The following NCALD variants were observed in gnomAD, a reference collection of about 807,000 sequenced individuals.
The protein encoded by NCALD is neurocalcin delta, also known as neurocalcin-delta.
In NCALD, 10 loss-of-function variants were observed where a neutral mutation model predicts 18.6. The observed-to-expected ratio is 0.54, with a 90% CI of 0.33 to 0.91. The LOEUF (loss-of-function observed/expected upper bound fraction) is 0.91, where lower values mean the gene tolerates loss of function less well. NCALD is among the 40% of genes least tolerant of loss of function. The probability of loss-of-function intolerance (pLI) is 0.03; values close to 1 mark genes in which losing one functional copy is unlikely to be tolerated. For synonymous variants in NCALD, 88 were observed against 87.4 expected (o/e 1.01, Z -0.04); for missense variants, 184 against 247.6 (o/e 0.74, Z 1.72).
intron 2 of NCALD, among the ~76,000 whole-genome samples, chr8:101,712,602 A>AAAAAAAAAAAAG (rs1563683244): frequency 7.7e-6 from 1 of 129,718 alleles, no homozygotes. Context: ...AAAAAAAAAA[A>AAAAAAAAAAAAG]AAAAAAAAAT....
intron 2 of NCALD, among the ~76,000 whole-genome samples, chr8:101,716,348 T>G (rs1586287085): frequency 6.6e-6 from 1 of 152,110 alleles, no homozygotes; most frequent in East Asian, 1.9e-4. Context: ...AGGGATAGCA[T>G]TAGGAGAAAT....
At chr8:101,758,919 T>C (rs1279971849) in intron 1 of NCALD, among the ~76,000 whole-genome samples, 1 of 152,268 alleles carries the variant, frequency 6.6e-6, no homozygotes, top group Non-Finnish European at 1.5e-5. Flanking sequence ...GCATCACATG[T>C]AGATCTTAGA....
chr8:101,762,802 G>A (rs541381472), intron 1 of NCALD, among the ~76,000 whole-genome samples: 32 of 152,250 alleles, frequency 2.1e-4, no homozygotes, highest in African/African-American at 6.3e-4. Context: ...TTGAACTCCA[G>A]ACCTTGTGAT....
chr8:102,122,260 G>A (rs757580496), intron 1 of NCALD, among the ~76,000 whole-genome samples: 2 of 152,202 alleles, frequency 1.3e-5, no homozygotes, highest in South Asian at 2.1e-4. Flanking sequence ...GAGGCTACGT[G>A]GGGGGAGGCT....
chr8:101,730,617 C>T (rs1297261348), intron 1 of NCALD, among the ~76,000 whole-genome samples: 1 of 152,014 alleles, frequency 6.6e-6, no homozygotes, highest in Admixed American at 6.6e-5. Context: ...TTGAGCACTG[C>T]CCTTGTGCTA....
At chr8:101,956,657 A>C (rs149384911) in intron 2 of NCALD, among the ~76,000 whole-genome samples, 1 of 152,038 alleles carries the variant, frequency 6.6e-6, no homozygotes, top group African/African-American at 2.4e-5. Flanking sequence ...GAGAGAGACT[A>C]TCTACTCTGG....
chr8:101,690,365 C>T (rs1814669098), intron 3 of NCALD: 2 of 984,334 alleles, frequency 2.0e-6, no homozygotes, highest in Non-Finnish European at 2.4e-6. Context: ...CTTTGCCCTC[C>T]CTTTTTCTCT....
At chr8:102,011,873 C>T (rs1028857145) in intron 2 of NCALD, among the ~76,000 whole-genome samples, 1 of 152,098 alleles carries the variant, frequency 6.6e-6, no homozygotes, top group African/African-American at 2.4e-5. Context: ...TATGAGAAAC[C>T]ACATTTAAAG....
Position 101,836,368 on chromosome 8 carries a change from C to T in NCALD, c.-20+50773G>A, listed in dbSNP as rs192006047. Among the ~76,000 whole-genome samples the T allele has an allele frequency of 1.7e-3, 262 of 152,216 alleles. 1 individual carries two copies. The highest frequency in any genetic ancestry group is 5.9e-3 in the African/African-American group (246 of 41,518). ...AAGTCAAAAACCCTAGACCCTTTTC[C>T]GCCTCTAACAAGCAGTACTATGCAG... On this transcript the variant is annotated intron_variant, in intron 4 of 6. Coordinates refer to the NCALD transcript ENST00000311028.
chr8:101,758,236 T>C (rs16868356), intron 1 of NCALD, among the ~76,000 whole-genome samples: 11,519 of 152,216 alleles, frequency 0.076, 1,170 homozygotes, highest in African/African-American at 0.23. Context: ...CTAAAGCACT[T>C]GACCCTCTCT....
chr8:101,833,610 G>GTTTTTTTTTTTTTTTTTTTTTTTTTTCTT (rs555031298), intron 4 of NCALD, among the ~76,000 whole-genome samples: 1 of 88,474 alleles, frequency 1.1e-5, no homozygotes, highest in African/African-American at 4.4e-5. Context: ...TTTGTTTCTT[G>GTTTTTTTTTTTTTTTTTTTTTTTTTTCTT]TTTTTTTTTT....
intron 4 of NCALD, among the ~76,000 whole-genome samples, chr8:101,806,088 C>T (rs1407256133): frequency 2.0e-5 from 3 of 152,086 alleles, no homozygotes; most frequent in Non-Finnish European, 4.4e-5. Flanking sequence ...TGTGAGTATG[C>T]CCAAGGCTGT....
At chr8:101,857,511 C>A (rs995562976) in intron 4 of NCALD, among the ~76,000 whole-genome samples, 6 of 152,220 alleles carry the variant, frequency 3.9e-5, no homozygotes, top group African/African-American at 1.4e-4. Context: ...CTTCAGACTT[C>A]TTTGCTAATA....
intron 2 of NCALD, among the ~76,000 whole-genome samples, chr8:101,994,571 C>T (rs1445298606): frequency 1.3e-5 from 2 of 152,228 alleles, no homozygotes; most frequent in Non-Finnish European, 2.9e-5. Context: ...GTTAAAGACA[C>T]AGACATGAAA....
chr8:102,060,558 C>T (rs981680921), intron 1 of NCALD, among the ~76,000 whole-genome samples: 1 of 152,142 alleles, frequency 6.6e-6, no homozygotes, highest in Non-Finnish European at 1.5e-5. Context: ...TTTCCCCATG[C>T]TTATTCCTTT....
intron 1 of NCALD, among the ~76,000 whole-genome samples, chr8:102,065,801 C>T (rs10086088): frequency 0.17 from 25,834 of 152,034 alleles, 2,562 homozygotes; most frequent in African/African-American, 0.27. Context: ...TAGCGAGACC[C>T]TGTCTCCAGA....
At chr8:102,014,241 C>T (rs537811248) in intron 2 of NCALD, among the ~76,000 whole-genome samples, 14 of 152,274 alleles carry the variant, frequency 9.2e-5, no homozygotes, top group East Asian at 3.9e-4. Context: ...CCAGCAGATT[C>T]GGAATCTGGT....
chr8:101,991,265 T>G (rs971167515), intron 2 of NCALD, among the ~76,000 whole-genome samples: 11 of 152,274 alleles, frequency 7.2e-5, no homozygotes, highest in Admixed American at 7.2e-4. Context: ...TCATAATTGC[T>G]ATCAATCATC....
At chr8:101,699,251 T>C (rs1181899077) in intron 2 of NCALD, among the ~76,000 whole-genome samples, 1 of 152,296 alleles carries the variant, frequency 6.6e-6, no homozygotes, top group Admixed American at 6.5e-5. Context: ...TATTAAAAAG[T>C]CAAGAAACAA....
Sources: allele counts gnomAD v4.1 joint callset (sites outside exome capture counted in the v4.1 genomes callset), GRCh38; gene constraint gnomAD v4.1.1; transcripts MANE v1.5; gene names NCBI Gene and HGNC (gene_info 2026-07-23, HGNC 2026-07-21).